Variants in DHX37 observed in about 807,000 individuals in gnomAD.
The protein encoded by DHX37 is DEAH-box helicase 37, also known as probable ATP-dependent RNA helicase DHX37.
A neutral mutation model predicts 134.3 loss-of-function variants in DHX37; 52 were observed. The ratio of observed to expected loss-of-function variants is 0.39; its 90% CI spans 0.31 to 0.49. The LOEUF is 0.49. Among genes scored for constraint, DHX37 ranks in the 20% least tolerant of loss-of-function variants. The pLI is 0.93. For missense variants in DHX37, 1,344 were observed against 1,580.8 expected (o/e 0.85, Z 2.54); for synonymous variants, 634 against 670.7 (o/e 0.95, Z 0.85).
intron 18 of DHX37, among the ~76,000 whole-genome samples, chr12:124,954,754 G>C (rs1191484856): frequency 6.6e-6 from 1 of 152,128 alleles, no homozygotes; most frequent in African/African-American, 2.4e-5. Flanking sequence ...AGCTGCCAAG[G>C]GTGGACTGAA....
chr12:124,948,097 C>T lies in DHX37; in HGVS notation c.3375G>A (p.Lys1125=). The change falls in exon 26 of 27, where the codon AAG becomes AAA. Residue 1125 remains lysine (K), a synonymous_variant. Transcript: ENST00000308736. The stretch of plus-strand genomic sequence containing the variant: ...GGTCAAACTCACATTTGGGGTTTTT[C>T]TTCCAAGCAGCCAGCAAGGCTTCAT... ...DCHEALLAAW[K]KNPKYLLAEY... is the part of the protein sequence containing the mutation. 6.2e-7 allele frequency: 1 copy of T among 1,614,242 alleles called. No homozygotes were observed. The highest frequency in any genetic ancestry group is 1.7e-5 in the Admixed American group (1 of 60,032).
intron 10 of DHX37, among the ~76,000 whole-genome samples, chr12:124,967,625 G>A (rs1391437970): frequency 1.3e-5 from 2 of 152,192 alleles, no homozygotes; most frequent in Non-Finnish European, 2.9e-5. Flanking sequence ...AGCCCCGAAA[G>A]GCCATAAGCA....
In DHX37 at chr12:124,957,085, G is replaced by A. The variant is rs574059172; in HGVS notation, c.2208C>T (p.Ala736=). The A allele has an allele frequency of 3.8e-5, 57 of 1,496,998 alleles. 1 individual carries two copies. The highest frequency in any genetic ancestry group is 3.5e-4 in the East Asian group (14 of 40,062). The allele number at this position is 1,496,998 out of a possible 1,614,324, so 92.7% of individuals were successfully genotyped here. The change falls in exon 17 of 27, where the codon GCC becomes GCT. Residue 736 remains alanine (A), a synonymous_variant. Transcript: ENST00000308736. Reference sequence around the variant, plus strand: ...CCAGTGCGATCAACAGCTCCTCGGCGGCAAGAAGGGCTTCCACGGAGGGGG... The same window carrying A: ...CCAGTGCGATCAACAGCTCCTCGGCAGCAAGAAGGGCTTCCACGGAGGGGG... ...PTPPSVEALL[A]AEELLIALGA...
chr12:124,958,119 CT>C (rs1243307578), intron 16 of DHX37, among the ~76,000 whole-genome samples: 2 of 152,214 alleles, frequency 1.3e-5, no homozygotes, highest in African/African-American at 4.8e-5. Flanking sequence ...TACATGCTTC[CT>C]TTCTGGGGTG....
At chr12:124,954,549 A>G (rs1001807716) in intron 18 of DHX37, among the ~76,000 whole-genome samples, 2 of 152,040 alleles carry the variant, frequency 1.3e-5, no homozygotes, top group African/African-American at 4.8e-5. Flanking sequence ...GCCCACCACC[A>G]GGCCCGGCTA....
chr12:124,958,144 C>T (rs955939066), intron 16 of DHX37, among the ~76,000 whole-genome samples: 2 of 152,170 alleles, frequency 1.3e-5, no homozygotes, highest in African/African-American at 2.4e-5. Flanking sequence ...AAAATGGCCA[C>T]GGTGGTGATG....
chr12:124,960,191 T>G, intron 16 of DHX37, 121 bp downstream of exon 16: 1 of 1,478,446 alleles, frequency 6.8e-7, no homozygotes, highest in Non-Finnish European at 9.1e-7. Flanking sequence ...GCTGATGCAC[T>G]GTTGTGTAAG....
Position 124,980,207 on chromosome 12 carries a change from C to T in DHX37, c.738+283G>A, listed in dbSNP as rs887896591. Among the ~76,000 whole-genome samples, 2 of 152,246 alleles carry T rather than the reference C, an allele frequency of 1.3e-5. No individual in the cohort carries two copies. Among genetic ancestry groups the T allele is most frequent in the Non-Finnish European group, 2.9e-5 (2 of 68,046 alleles). ...TTGTCTGGATCGGGGCAGCCCAGGC[C>T]AGGCCCGCTGGTCAGAGGGCAGTGG... On this transcript the variant is annotated intron_variant, in intron 4 of 26. Coordinates refer to ENST00000308736, the MANE Select transcript of DHX37 (RefSeq NM_032656.4). This position sits in a 1 kb window ranked among gnomAD's most constrained non-coding sequence, Gnocchi z 5.3.
intron 25 of DHX37, chr12:124,948,396 AC>A: frequency 1.3e-6 from 1 of 790,314 alleles, no homozygotes; most frequent in Non-Finnish European, 2.0e-6. Context: ...GCTGCAGTGA[AC>A]CATGACTGCA....
In DHX37 at chr12:124,948,484, C is replaced by T. The variant is rs192447456; in HGVS notation, c.3291-303G>A. On this transcript the variant is annotated intron_variant, in intron 25 of 26. Coordinates refer to ENST00000308736, the MANE Select transcript of DHX37 (RefSeq NM_032656.4). ...CAAACTGGCTGAGCGTGGTGGCTCA[C>T]GCCTGTAATCCCAGCACTTTGGGAA... 56 of 457,976 alleles carry T rather than the reference C, an allele frequency of 1.2e-4. 1 individual carries two copies. Among genetic ancestry groups the T allele is most frequent in the African/African-American group, 1.0e-3 (52 of 50,968 alleles). 28.4% of individuals were successfully genotyped at this position (457,976 alleles called of 1,614,324 possible). A position where few individuals can be genotyped will look rare whatever the true frequency, so the allele number is the denominator to read the frequency against.
chr12:124,983,707 C>T (rs1025937356), intron 2 of DHX37, among the ~76,000 whole-genome samples: 1 of 151,444 alleles, frequency 6.6e-6, no homozygotes, highest in African/African-American at 2.4e-5. Flanking sequence ...ATGGCTTGAA[C>T]CTGGGAGGCA....
At chr12:124,975,617 C>T in intron 5 of DHX37, 106 bp from the exon 6 acceptor site, 2 of 1,218,690 alleles carry the variant, frequency 1.6e-6, no homozygotes, top group South Asian at 2.7e-5. Flanking sequence ...CTGGCGCTCA[C>T]CCAGGGGCGG....
chr12:124,969,306 C>T (rs1954469379), intron 8 of DHX37, among the ~76,000 whole-genome samples: 2 of 152,152 alleles, frequency 1.3e-5, no homozygotes, highest in Admixed American at 1.3e-4. Context: ...CTGCCTGATT[C>T]TCTGGGGTCT....
rs35913103 is a variant in DHX37, at chr12:124,964,486, G to A, written c.1953C>T (p.Gly651=). 1.5e-4 allele frequency: 235 copies of A among 1,614,208 alleles called. 2 individuals carry two copies. In the African/African-American group the frequency reaches 1.5e-3, roughly 10 times the overall value. ...VKKRYYDRVT[G]VSSFRVTWVS... ...CCCAGGTGACACGGAAGGAGGATAC[G>A]CCAGTGACGCGGTCGTAGTAGCGTT... Residue 651 remains glycine (G), a synonymous_variant, in exon 15 of 27, where the codon GGC becomes GGT. Transcript: ENST00000308736.
In DHX37 at chr12:124,972,595, C is replaced by A; in HGVS notation, c.985G>T (p.Val329Phe). The part of the protein sequence containing the change: ...AKEMNLSQRV[V>F]SYQIRYEGNV... Reference sequence around the variant, plus strand: ...CCTTCATACCGGATCTGGTAGGAGACGACCCTGTATGGGCAGAGTTCGGGT... The same window carrying A: ...CCTTCATACCGGATCTGGTAGGAGAAGACCCTGTATGGGCAGAGTTCGGGT... Residue 329 changes from valine (V) to phenylalanine (F), a missense_variant, in exon 7 of 27, where the codon GTC becomes TTC. Physicochemically the swap from Val to Phe is conservative, Grantham distance 50. Coordinates refer to ENST00000308736, the MANE Select transcript of DHX37 (RefSeq NM_032656.4). 6.2e-7 allele frequency: 1 copy of A among 1,614,116 alleles called. No homozygotes were observed. Among genetic ancestry groups the A allele is most frequent in the Non-Finnish European group, 8.5e-7 (1 of 1,179,974 alleles).
rs73419485 is a variant in DHX37 at position 124,949,307 on chromosome 12, G to T, written c.3290+679C>A. Among the ~76,000 whole-genome samples the T allele has an allele frequency of 1.3e-5, 2 of 152,158 alleles. No homozygotes were observed. The highest frequency in any genetic ancestry group is 2.4e-5 in the African/African-American group (1 of 41,418). On this transcript the variant is annotated intron_variant, in intron 25 of 26. Coordinates refer to ENST00000308736, the MANE Select transcript of DHX37 (RefSeq NM_032656.4). This position sits in a 1 kb window ranked among gnomAD's most constrained non-coding sequence, Gnocchi z 4.0. ...GGCACCTGCCTGCACCTTCAGGCCT[G>T]CCTCCAGTGCCCCAAGCCCCTGCAC...
chr12:124,959,698 T>C (rs989404140), intron 16 of DHX37, among the ~76,000 whole-genome samples: 4 of 152,222 alleles, frequency 2.6e-5, no homozygotes, highest in Non-Finnish European at 5.9e-5. Context: ...TTCTCCCTGA[T>C]GATCTCAAGT....
At chr12:124,957,942 G>A (rs973925141) in intron 16 of DHX37, among the ~76,000 whole-genome samples, 2 of 152,202 alleles carry the variant, frequency 1.3e-5, no homozygotes, top group African/African-American at 2.4e-5. Flanking sequence ...AGCGACACGC[G>A]CTACACCACG....
chr12:124,986,826 A>T (rs140984193), intron 1 of DHX37, among the ~76,000 whole-genome samples: 247 of 149,626 alleles, frequency 1.7e-3, no homozygotes, highest in Middle Eastern at 0.014. Context: ...GCTCACTTCA[A>T]CCTCCGCCTC....
Sources: allele counts gnomAD v4.1 joint callset (sites outside exome capture counted in the v4.1 genomes callset), GRCh38; gene constraint gnomAD v4.1.1; non-coding constraint Gnocchi (gnomAD v3.1); transcripts MANE v1.5; gene names NCBI Gene and HGNC (gene_info 2026-07-23, HGNC 2026-07-21).